Variants in PGGT1B observed in about 807,000 individuals in gnomAD.
PGGT1B encodes protein geranylgeranyltransferase type I subunit beta.
A neutral mutation model predicts 46.1 loss-of-function variants in PGGT1B; 30 were observed. That is an observed-to-expected ratio of 0.65 (90% CI 0.49 to 0.88). The LOEUF is 0.88. PGGT1B is among the 40% of genes least tolerant of loss of function. The pLI, the probability that PGGT1B is intolerant of heterozygous loss-of-function variation, is 0.00. For synonymous variants in PGGT1B, 170 were observed against 160.0 expected (o/e 1.06, Z -0.47); for missense variants, 376 against 455.9 (o/e 0.82, Z 1.60).
chr5:115,237,692 C>A (rs562213169), intron 4 of PGGT1B, among the ~76,000 whole-genome samples, 166 bp downstream of exon 4: 2 of 152,040 alleles, frequency 1.3e-5, no homozygotes, highest in East Asian at 3.9e-4. Flanking sequence ...CAGAGGAAAT[C>A]TGAGGTCACT....
intron 1 of PGGT1B, among the ~76,000 whole-genome samples, chr5:115,262,047 G>C (rs1211471726): frequency 6.6e-6 from 1 of 152,230 alleles, no homozygotes; most frequent in Non-Finnish European, 1.5e-5. Flanking sequence ...GTCTCAAGCA[G>C]CTTTTGAGCT....
intron 6 of PGGT1B, among the ~76,000 whole-genome samples, chr5:115,224,779 T>C (rs1185837835): frequency 6.9e-6 from 1 of 144,774 alleles, no homozygotes; most frequent in Non-Finnish European, 1.5e-5. Flanking sequence ...AAGGTGGAAG[T>C]AGGACGATCC....
chr5:115,230,629 T>C (rs1203805078), intron 6 of PGGT1B, among the ~76,000 whole-genome samples: 1 of 152,164 alleles, frequency 6.6e-6, no homozygotes, highest in Non-Finnish European at 1.5e-5. Context: ...TATTTAATAT[T>C]CTATATTTGG....
At chr5:115,235,148 G>C (rs965562758) in intron 5 of PGGT1B, among the ~76,000 whole-genome samples, 1 of 152,070 alleles carries the variant, frequency 6.6e-6, no homozygotes, top group African/African-American at 2.4e-5. Context: ...AAAGGGCATA[G>C]AGCCTACTAA....
chr5:115,224,649 TG>T (rs1002242223), intron 6 of PGGT1B, among the ~76,000 whole-genome samples: 15 of 152,134 alleles, frequency 9.9e-5, no homozygotes, highest in African/African-American at 3.4e-4. Context: ...GTGAGAGAAC[TG>T]CTTGAGCTCA....
chr5:115,254,619 G>A (rs541947442), intron 1 of PGGT1B, among the ~76,000 whole-genome samples: 15 of 149,704 alleles, frequency 1.0e-4, no homozygotes, highest in African/African-American at 3.2e-4. Flanking sequence ...TTTTTTTAAG[G>A]GCAAATTATC....
intron 6 of PGGT1B, among the ~76,000 whole-genome samples, chr5:115,226,831 CT>C (rs1756799858): frequency 1.3e-5 from 2 of 151,754 alleles, no homozygotes; most frequent in South Asian, 4.2e-4. Flanking sequence ...TTGCTCAGAA[CT>C]AAGGGGGACA....
At chr5:115,245,062 G>T (rs1222491784) in intron 2 of PGGT1B, among the ~76,000 whole-genome samples, 1 of 151,972 alleles carries the variant, frequency 6.6e-6, no homozygotes, top group Non-Finnish European at 1.5e-5. Context: ...TCTGCTAACA[G>T]TCCTCCATAA....
intron 7 of PGGT1B, among the ~76,000 whole-genome samples, chr5:115,219,141 G>T (rs1756513232): frequency 6.6e-6 from 1 of 151,752 alleles, no homozygotes; most frequent in African/African-American, 2.4e-5. Context: ...GCTCCAAATA[G>T]CCAAAACAAT....
chr5:115,226,006 A>T (rs1448302832), intron 6 of PGGT1B, among the ~76,000 whole-genome samples: 2 of 149,584 alleles, frequency 1.3e-5, no homozygotes, highest in Non-Finnish European at 3.0e-5. Context: ...TTTATAATTA[A>T]GAAGTAGAGA....
intron 2 of PGGT1B, 81 bp from the exon 3 acceptor site, chr5:115,241,687 T>G: frequency 1.0e-6 from 1 of 995,094 alleles, no homozygotes; most frequent in Non-Finnish European, 1.5e-6. Context: ...ACACAATCTT[T>G]CAGAAACAGA....
At chr5:115,246,491 T>C (rs1747841266) in intron 2 of PGGT1B, among the ~76,000 whole-genome samples, 1 of 152,360 alleles carries the variant, frequency 6.6e-6, no homozygotes, top group South Asian at 2.1e-4. Context: ...ATTAAGAAAG[T>C]ATACACACAC....
At chr5:115,217,098 G>C (rs937787042) in intron 7 of PGGT1B, 125 bp from the exon 8 acceptor site, 2 of 618,130 alleles carry the variant, frequency 3.2e-6, no homozygotes, top group Non-Finnish European at 5.8e-6. Context: ...CAAGTCTCTG[G>C]GGCCTTGAGC....
rs1003554113 is a variant in PGGT1B at position 115,205,590 on chromosome 5, G to C, written c.*6812C>G. ...ACTGTTAAAGCTTTATCTTGTGTGA[G>C]TTAATTCATATTTGGAATTCAGATT... On this transcript the variant is annotated 3_prime_UTR_variant, in exon 9 of 9. Transcript: ENST00000419445. 1 of 152,106 alleles carries C rather than the reference G, an allele frequency of 6.6e-6. No individual in the cohort carries two copies. Among genetic ancestry groups the C allele is most frequent in the Non-Finnish European group, 1.5e-5 (1 of 67,978 alleles). 9.4% of individuals were successfully genotyped at this position (152,106 alleles called of 1,614,324 possible).
chr5:115,216,203 A>G (rs1368088137), intron 8 of PGGT1B, among the ~76,000 whole-genome samples: 1 of 152,000 alleles, frequency 6.6e-6, no homozygotes, highest in Non-Finnish European at 1.5e-5. Flanking sequence ...GCAGTGGTGC[A>G]ATCTCGGCTC....
intron 1 of PGGT1B, among the ~76,000 whole-genome samples, chr5:115,256,596 C>T (rs1748324950): frequency 6.6e-6 from 1 of 152,182 alleles, no homozygotes; most frequent in Admixed American, 6.5e-5. Context: ...GCTTGGCAGA[C>T]AGAACCAATA....
chr5:115,250,663 G>A (rs1748053509), intron 2 of PGGT1B, among the ~76,000 whole-genome samples: 1 of 152,104 alleles, frequency 6.6e-6, no homozygotes, highest in Non-Finnish European at 1.5e-5. Flanking sequence ...AACTTTCCCT[G>A]AAGTATAATA....
chr5:115,238,089 T>C (rs1757239026), intron 3 of PGGT1B, 80 bp from the exon 4 acceptor site: 3 of 967,864 alleles, frequency 3.1e-6, no homozygotes, highest in Non-Finnish European at 4.6e-6. Context: ...CATAAGGTTT[T>C]AGTAAATAGT....
intron 2 of PGGT1B, among the ~76,000 whole-genome samples, chr5:115,244,720 A>T (rs1561482386): frequency 6.6e-6 from 1 of 151,630 alleles, no homozygotes; most frequent in Non-Finnish European, 1.5e-5. Context: ...CCTCCCAAAT[A>T]GCTAGGACTA....
Sources: allele counts gnomAD v4.1 joint callset (sites outside exome capture counted in the v4.1 genomes callset), GRCh38; gene constraint gnomAD v4.1.1; transcripts MANE v1.5; gene names NCBI Gene and HGNC (gene_info 2026-07-23, HGNC 2026-07-21).